Variants in NAV2 observed in about 807,000 individuals in gnomAD.
The protein encoded by NAV2 is neuron navigator 2.
In NAV2, 54 loss-of-function variants were observed where a neutral mutation model predicts 223.2. The observed-to-expected ratio is 0.24, with a 90% CI of 0.19 to 0.30. The LOEUF (loss-of-function observed/expected upper bound fraction) is 0.30. Ranked by LOEUF, NAV2 falls within the 10% of genes least tolerant of loss-of-function variation. The pLI, the probability that NAV2 is intolerant of heterozygous loss-of-function variation, is 1.00. For missense variants in NAV2, 2,806 were observed against 3,147.5 expected (o/e 0.89, Z 2.60); for synonymous variants, 1,279 against 1,239.3 (o/e 1.03, Z -0.67).
intron 1 of NAV2, among the ~76,000 whole-genome samples, chr11:19,399,060 A>G (rs1245057401): frequency 6.6e-6 from 1 of 152,208 alleles, no homozygotes; most frequent in Non-Finnish European, 1.5e-5. Flanking sequence ...TTATTACTGC[A>G]AAAAGAGATG....
At chr11:20,030,487 T>C (rs781322823) in intron 11 of NAV2, among the ~76,000 whole-genome samples, 3 of 152,240 alleles carry the variant, frequency 2.0e-5, no homozygotes, top group Non-Finnish European at 4.4e-5. Context: ...TAAATTAAGA[T>C]CATTTTCACT....
chr11:19,606,309 T>C (rs1014384635), intron 1 of NAV2, among the ~76,000 whole-genome samples: 4 of 152,246 alleles, frequency 2.6e-5, no homozygotes, highest in Non-Finnish European at 5.9e-5. Context: ...CATATGTTGC[T>C]TTATTTAACC....
intron 1 of NAV2, among the ~76,000 whole-genome samples, chr11:19,476,904 C>T (rs2042132690): frequency 6.6e-6 from 1 of 152,214 alleles, no homozygotes; most frequent in South Asian, 2.1e-4. Context: ...GCCCCAGTTT[C>T]TACCACCTTC....
At chr11:19,674,091 T>C (rs1159802057) in intron 1 of NAV2, among the ~76,000 whole-genome samples, 2 of 152,316 alleles carry the variant, frequency 1.3e-5, no homozygotes, top group East Asian at 3.9e-4. Context: ...CAAGTGCCTC[T>C]GGCCTGGGTT....
Position 20,095,724 on chromosome 11 carries a change from C to T in NAV2, c.5969C>T (p.Thr1990Met), listed in dbSNP as rs768693935. The stretch of plus-strand genomic sequence containing the variant: ...GGCTGCATTGGAGTTAGTGGCAAGA[C>T]GAAGTGGGATGTGCTCGATGGGGTG... ...LIGCIGVSGKTKWDVLDGVVR... is the reference protein window; with the variant it reads ...LIGCIGVSGKMKWDVLDGVVR... Residue 1990 changes from threonine to methionine, a missense_variant, in exon 30 of 38, where the codon ACG becomes ATG. By Grantham distance (81) the Thr-to-Met change is moderately conservative. This residue lies in a region of NAV2 where 824 missense variants were observed against 1,069.4 expected (regional missense o/e 0.77). Coordinates refer to ENST00000349880, the MANE Select transcript of NAV2 (RefSeq NM_145117.5). 2.4e-5 allele frequency: 38 copies of T among 1,613,928 alleles called. 1 individual carries two copies. In the South Asian group the frequency reaches 2.4e-4, roughly 10 times the overall value.
At chr11:19,610,501 C>T (rs2046607420) in intron 1 of NAV2, among the ~76,000 whole-genome samples, 1 of 152,182 alleles carries the variant, frequency 6.6e-6, no homozygotes, top group Admixed American at 6.5e-5. Flanking sequence ...TCTCTTACTG[C>T]TTTATAATGC....
chr11:19,805,537 C>T (rs373758488), intron 1 of NAV2, among the ~76,000 whole-genome samples: 34 of 152,208 alleles, frequency 2.2e-4, no homozygotes, highest in African/African-American at 6.7e-4. Context: ...TGGACTCAGA[C>T]GAATAACCCA....
rs921536574 is a variant in NAV2 at position 19,692,193 on chromosome 11, G to A, written c.76-140291G>A. Among the ~76,000 whole-genome samples, 5 of 152,224 alleles carry A rather than the reference G, an allele frequency of 3.3e-5. No individual in the cohort carries two copies. The East Asian group carries it at 9.6e-4, about 29-fold the overall frequency. ...ACTGGGAGAAAGACCCACACTGGCT[G>A]AGGGCCTCACCACCGGGGTTGCGGG... On this transcript the variant is annotated intron_variant, in intron 1 of 37. Coordinates refer to the NAV2 transcript ENST00000360655.
At chr11:19,937,758 C>G (rs1249010310) in intron 7 of NAV2, among the ~76,000 whole-genome samples, 1 of 152,188 alleles carries the variant, frequency 6.6e-6, no homozygotes, top group Non-Finnish European at 1.5e-5. Context: ...GTCAACACAC[C>G]CTTCTTGCGT....
chr11:19,622,971 ATCTC>A (rs2047048682), intron 1 of NAV2, among the ~76,000 whole-genome samples: 1 of 152,080 alleles, frequency 6.6e-6, no homozygotes, highest in Non-Finnish European at 1.5e-5. Flanking sequence ...TGGTGACAAA[ATCTC>A]TCAGCATTTG....
intron 1 of NAV2, among the ~76,000 whole-genome samples, chr11:19,596,594 C>A (rs552577874): frequency 1.3e-5 from 2 of 152,330 alleles, no homozygotes; most frequent in Non-Finnish European, 2.9e-5. Context: ...CCTCCCACTG[C>A]CCCGGACACC....
intron 9 of NAV2, among the ~76,000 whole-genome samples, chr11:19,947,563 G>A (rs1424826766): frequency 6.6e-6 from 1 of 152,220 alleles, no homozygotes; most frequent in Non-Finnish European, 1.5e-5. Flanking sequence ...AATTATGACA[G>A]GAGGGAAGAC....
intron 1 of NAV2, among the ~76,000 whole-genome samples, chr11:19,375,224 C>T (rs1260035673): frequency 6.6e-6 from 1 of 152,168 alleles, no homozygotes; most frequent in Admixed American, 6.5e-5. Context: ...TAGTTACAGT[C>T]CCATAAATCT....
At position 19,437,881 on chromosome 11, in the gene NAV2, A is replaced by G. The variant is rs1241297986; in HGVS notation, c.75+86854A>G. Among the ~76,000 whole-genome samples, 4 of 152,182 alleles carry G rather than the reference A, an allele frequency of 2.6e-5. No homozygotes were observed. In the East Asian group the frequency reaches 7.7e-4, roughly 29 times the overall value. The stretch of plus-strand genomic sequence containing the variant: ...TACATTGAATAAGTATTCCTCAAAC[A>G]TCTCCAATTAGAGGCTGAGTTTTCA... On this transcript the variant is annotated intron_variant, in intron 1 of 37. Transcript: ENST00000360655.
intron 1 of NAV2, among the ~76,000 whole-genome samples, chr11:19,581,064 C>T (rs2045701870): frequency 1.3e-5 from 2 of 152,196 alleles, no homozygotes; most frequent in South Asian, 4.1e-4. Context: ...CATGTGTCTC[C>T]TTTTCTGTGA....
chr11:19,541,130 G>A (rs555698471), intron 1 of NAV2, among the ~76,000 whole-genome samples: 2 of 152,270 alleles, frequency 1.3e-5, no homozygotes, highest in Non-Finnish European at 2.9e-5. Flanking sequence ...GAGGAGAGAT[G>A]CTACCTAGAG....
At position 20,083,095 on chromosome 11, in the gene NAV2, C is replaced by G; in HGVS notation, c.5414C>G (p.Ser1805Cys). 1 of 1,614,122 alleles carries G rather than the reference C, an allele frequency of 6.2e-7. No homozygotes were observed. Among genetic ancestry groups the G allele is most frequent in the Non-Finnish European group, 8.5e-7 (1 of 1,179,968 alleles). ...SHSDIEEMTD[S>C]SLPSSPKLPH... Reference sequence around the variant, plus strand: ...TCAGATATTGAGGAGATGACGGATTCTTCTTTGCCTTCCTCACCAAAGTTA... The same window carrying G: ...TCAGATATTGAGGAGATGACGGATTGTTCTTTGCCTTCCTCACCAAAGTTA... Residue 1805 changes from serine (S) to cysteine (C), a missense_variant, in exon 26 of 38, where the codon TCT becomes TGT. Physicochemically the swap from Ser to Cys is moderately radical, Grantham distance 112. Around this residue, in one of 4 missense-constraint regions of NAV2, gnomAD observed 824 missense variants for 1,069.4 expected, o/e 0.77. Transcript: ENST00000349880.
intron 1 of NAV2, among the ~76,000 whole-genome samples, chr11:19,761,046 C>A (rs1321129391): frequency 3.3e-5 from 5 of 152,098 alleles, no homozygotes; most frequent in Admixed American, 6.5e-5. Flanking sequence ...TACCTGAGCC[C>A]TTTGTTGAGA....
At chr11:19,673,152 C>A (rs1204343924) in intron 1 of NAV2, among the ~76,000 whole-genome samples, 3 of 152,194 alleles carry the variant, frequency 2.0e-5, no homozygotes. Context: ...TGCTGAGGAC[C>A]ATTACCATGG....
Sources: allele counts gnomAD v4.1 joint callset (sites outside exome capture counted in the v4.1 genomes callset), GRCh38; gene constraint gnomAD v4.1.1; regional missense constraint gnomAD v4.1.1; transcripts MANE v1.5; gene names NCBI Gene and HGNC (gene_info 2026-07-23, HGNC 2026-07-21).